The following SLC6A4 variants were observed in gnomAD, a reference collection of about 807,000 sequenced individuals.
The protein encoded by SLC6A4 is solute carrier family 6 member 4, also known as sodium-dependent serotonin transporter.
Under a neutral mutation model 73.4 loss-of-function variants are expected in SLC6A4, and 22 were observed. The observed-to-expected ratio is 0.30, with a 90% CI of 0.21 to 0.43. SLC6A4 has a LOEUF of 0.43. SLC6A4 is among the 20% of genes least tolerant of loss of function. The probability of loss-of-function intolerance (pLI) is 1.00; values close to 1 mark genes in which losing one functional copy is unlikely to be tolerated. For synonymous variants in SLC6A4, 270 were observed against 315.5 expected (o/e 0.86, Z 1.53); for missense variants, 593 against 808.5 (o/e 0.73, Z 3.23).
chr17:30,194,649 TAAG>T lies in SLC6A4; in HGVS notation c.*3804_*3806del, dbSNP rs1393610606. 1.3e-5 allele frequency: 2 copies of T among 152,282 alleles called. No individual in the cohort carries two copies. The highest frequency in any genetic ancestry group is 2.1e-4 in the South Asian group (1 of 4,828). The allele number at this position is 152,282 out of a possible 1,614,324, so 9.4% of individuals were successfully genotyped here. On this transcript the variant is annotated 3_prime_UTR_variant, in exon 15 of 15. Transcript: ENST00000650711. ...TACACCTTTAATTTTAGAGTGTAAA[TAAG>T]AATAATCTTTCAAAATGCCATTTAA...
chr17:30,207,582 G>A (rs1033056844), intron 13 of SLC6A4, 150 bp downstream of exon 13: 6 of 565,762 alleles, frequency 1.1e-5, no homozygotes, highest in Admixed American at 3.1e-5. Context: ...GTAGAGACGG[G>A]GTTTTGCCAT....
chr17:30,221,700 C>A lies in SLC6A4; in HGVS notation c.259G>T (p.Asp87Tyr), dbSNP rs1159379145. The A allele has an allele frequency of 1.9e-6, 3 of 1,614,022 alleles. No individual in the cohort carries two copies. Among genetic ancestry groups the A allele is most frequent in the Admixed American group, 1.7e-5 (1 of 60,006 alleles). ...GERETWGKKV[D>Y]FLLSVIGYAV... Reference sequence around the variant, plus strand: ...TAGCCAATCACTGAGAGAAGGAAATCCACCTTCTTGCCCCAGGTCTCCCGT... The same window carrying A: ...TAGCCAATCACTGAGAGAAGGAAATACACCTTCTTGCCCCAGGTCTCCCGT... Residue 87 changes from aspartate (D) to tyrosine (Y), a missense_variant, in exon 3 of 15, where the codon GAT becomes TAT. By Grantham distance (160) the Asp-to-Tyr change is radical. Coordinates refer to ENST00000650711, the MANE Select transcript of SLC6A4 (RefSeq NM_001045.6).
In SLC6A4 at chr17:30,202,355, C is replaced by T. The variant is rs545892518; in HGVS notation, c.1818+817G>A. Among the ~76,000 whole-genome samples the T allele has an allele frequency of 1.5e-3, 234 of 152,258 alleles. 3 individuals are homozygous for T. The highest frequency in any genetic ancestry group is 6.2e-4 in the Non-Finnish European group (42 of 68,024). On this transcript the variant is annotated intron_variant, in intron 14 of 14. Transcript: ENST00000650711. ...GGCCAGGCTGGTCTTGAACTCCTGA[C>T]CTCAGGTGATCCACATGCCTTGGCC...
rs533766902 is a variant in SLC6A4 at position 30,201,067 on chromosome 17, C to A, written c.1818+2105G>T. ...CAAAGTGCTGGGATTACAGGTGTGA[C>A]CCACTGTGCCCGGCCAAGAAACCTG... On this transcript the variant is annotated intron_variant, in intron 14 of 14. Transcript: ENST00000650711. 1.4e-4 allele frequency among the ~76,000 whole-genome samples: 22 copies of A among 152,248 alleles called. No individual in the cohort carries two copies. In the South Asian group the frequency reaches 4.6e-3, roughly 32 times the overall value.
chr17:30,217,040 G>A, intron 6 of SLC6A4, 126 bp downstream of exon 6: 1 of 812,004 alleles, frequency 1.2e-6, no homozygotes, highest in Non-Finnish European at 2.0e-6. Flanking sequence ...AAGAGAGAGA[G>A]GGTGCATCAT....
chr17:30,210,669 C>A, intron 10 of SLC6A4, 23 bp from the exon 11 acceptor site: 1 of 1,602,498 alleles, frequency 6.2e-7, no homozygotes, highest in South Asian at 1.1e-5. Context: ...GGCAAGCAGT[C>A]ACGGTGGAGG....
chr17:30,196,318 A>G lies in SLC6A4; in HGVS notation c.*2138T>C, dbSNP rs1905859919. On this transcript the variant is annotated 3_prime_UTR_variant, in exon 15 of 15. Transcript: ENST00000650711. ...AAACCCCATCATAGTATTGATAAAT[A>G]GGGGTCAAATAAATGCATACTATGC... 1 of 151,174 alleles carries G rather than the reference A, an allele frequency of 6.6e-6. No homozygotes were observed. 9.4% of individuals were successfully genotyped at this position (151,174 alleles called of 1,614,324 possible). A position where few individuals can be genotyped will look rare whatever the true frequency, so the allele number is the denominator to read the frequency against.
chr17:30,235,306 G>A lies in SLC6A4; in HGVS notation c.-221+307C>T, dbSNP rs9903062. Reference sequence around the variant, plus strand: ...CACTTTGCTCAAGACCCTCTTTAAGGGGTCTTTCACGGGTCCTCAAGAGGT... The same window carrying A: ...CACTTTGCTCAAGACCCTCTTTAAGAGGTCTTTCACGGGTCCTCAAGAGGT... On this transcript the variant is annotated intron_variant, in intron 1 of 14. Transcript: ENST00000650711. This position sits in a 1 kb window ranked among gnomAD's most constrained non-coding sequence, Gnocchi z 4.5. Among the ~76,000 whole-genome samples, 1,705 of 152,272 alleles carry A rather than the reference G, an allele frequency of 0.011. 25 individuals are homozygous for A. Among genetic ancestry groups the A allele is most frequent in the African/African-American group, 0.039 (1,602 of 41,568 alleles).
chr17:30,216,044 A>C (rs201382807), intron 7 of SLC6A4, 38 bp downstream of exon 7: 388 of 1,593,242 alleles, frequency 2.4e-4, no homozygotes, highest in Non-Finnish European at 3.2e-4. Context: ...GTTTAGTAAA[A>C]TGACAGACAG....
In SLC6A4 at chr17:30,196,433, C is replaced by A. The variant is rs564363594; in HGVS notation, c.*2023G>T. 1 of 151,900 alleles carries A rather than the reference C, an allele frequency of 6.6e-6. No homozygotes were observed. The highest frequency in any genetic ancestry group is 2.4e-5 in the African/African-American group (1 of 41,300). 9.4% of individuals were successfully genotyped at this position (151,900 alleles called of 1,614,324 possible). A position where few individuals can be genotyped will look rare whatever the true frequency, so the allele number is the denominator to read the frequency against. ...CCTGTACAATTCCATTAATACCAGACTTGGCAAAACGCTAATTCTGTTTGA... is the reference window on the plus strand; with the variant it reads ...CCTGTACAATTCCATTAATACCAGAATTGGCAAAACGCTAATTCTGTTTGA... On this transcript the variant is annotated 3_prime_UTR_variant, in exon 15 of 15. Coordinates refer to ENST00000650711, the MANE Select transcript of SLC6A4 (RefSeq NM_001045.6).
At chr17:30,227,353 TG>T (rs900838928) in intron 1 of SLC6A4, among the ~76,000 whole-genome samples, 2 of 151,994 alleles carry the variant, frequency 1.3e-5, no homozygotes, top group African/African-American at 2.4e-5. Context: ...AAAATCTGCT[TG>T]TTTTTTTTTT....
Position 30,215,664 on chromosome 17 carries a change from A to C in SLC6A4, c.1023T>G (p.Phe341Leu). 1 of 1,614,134 alleles carries C rather than the reference A, an allele frequency of 6.2e-7. No homozygotes were observed. Among genetic ancestry groups the C allele is most frequent in the Non-Finnish European group, 8.5e-7 (1 of 1,180,022 alleles). ...AQIFFSLGPG[F>L]GVLLAFASYN... ...AGCTAGCAAAAGCCAGCAGGACCCC[A>C]AAGCCCGGACCAAGAGAGAAGAAGA... The change falls in exon 8 of 15, where the codon TTT becomes TTG. Residue 341 changes from phenylalanine to leucine, a missense_variant. Physicochemically the swap from Phe to Leu is conservative, Grantham distance 22. Coordinates refer to ENST00000650711, the MANE Select transcript of SLC6A4 (RefSeq NM_001045.6).
chr17:30,230,136 A>G (rs564746186), intron 1 of SLC6A4, among the ~76,000 whole-genome samples: 4 of 150,506 alleles, frequency 2.7e-5, no homozygotes, highest in Non-Finnish European at 5.9e-5. Context: ...GAGGAGGAGG[A>G]GGAGGAGGAG....
intron 11 of SLC6A4, among the ~76,000 whole-genome samples, chr17:30,210,046 A>C (rs539179252): frequency 8.2e-4 from 125 of 152,114 alleles, no homozygotes; most frequent in African/African-American, 2.9e-3. Context: ...CACATTTGCA[A>C]AATCTGCCTT....
At chr17:30,226,883 G>GAAAAAGAAAAAGAAAGAA (rs1567823236) in intron 1 of SLC6A4, among the ~76,000 whole-genome samples, 15 of 54,872 alleles carry the variant, frequency 2.7e-4, no homozygotes, top group African/African-American at 1.6e-3. Context: ...AAAAAAAAAA[G>GAAAAAGAAAAAGAAAGAA]AAAAAGAAAG....
chr17:30,203,421 AATGCTAAAGCTAAG>A, intron 13 of SLC6A4, 82 bp from the exon 14 acceptor site: 3 of 1,159,550 alleles, frequency 2.6e-6, no homozygotes, highest in South Asian at 2.8e-5. Context: ...ACAAACACCA[AATGCTAAAGCTAAG>A]ATACTTTCAG....
In SLC6A4 at chr17:30,195,567, G is replaced by GTA. The variant is rs1040537573; in HGVS notation, c.*2887_*2888dup. 1 of 152,034 alleles carries GTA rather than the reference G, an allele frequency of 6.6e-6. No homozygotes were observed. Among genetic ancestry groups the GTA allele is most frequent in the African/African-American group, 2.4e-5 (1 of 41,382 alleles). 9.4% of individuals were successfully genotyped at this position (152,034 alleles called of 1,614,324 possible). On this transcript the variant is annotated 3_prime_UTR_variant, in exon 15 of 15. Transcript: ENST00000650711. ...TGAGCCATTGTGCCTGGTGGAGAGG[G>GTA]TATTATTTCACTCTAGCAGAGGAAA...
At position 30,219,513 on chromosome 17, in the gene SLC6A4, CT is replaced by C. The variant is rs532698138; in HGVS notation, c.344-583del. ...TCTCTGTGAGTCACCAAATCAGTAT[CT>C]TTGTTCATCAGTATTATCTATGGCT... On this transcript the variant is annotated intron_variant, in intron 3 of 14. Transcript: ENST00000650711. Among the ~76,000 whole-genome samples, 31 of 152,314 alleles carry C rather than the reference CT, an allele frequency of 2.0e-4. 2 individuals are homozygous for C. In the South Asian group the frequency reaches 6.2e-3, roughly 30 times the overall value.
chr17:30,224,660 G>C (rs763091422), intron 1 of SLC6A4, among the ~76,000 whole-genome samples: 3 of 152,182 alleles, frequency 2.0e-5, no homozygotes, highest in Non-Finnish European at 4.4e-5. Flanking sequence ...AGGGAAATGC[G>C]GTCCATCTCA....
Sources: allele counts gnomAD v4.1 joint callset (sites outside exome capture counted in the v4.1 genomes callset), GRCh38; gene constraint gnomAD v4.1.1; non-coding constraint Gnocchi (gnomAD v3.1); transcripts MANE v1.5; gene names NCBI Gene and HGNC (gene_info 2026-07-23, HGNC 2026-07-21).